The following TNFRSF8 variants were observed in gnomAD, a reference collection of about 807,000 sequenced individuals.
TNFRSF8 encodes the protein TNF receptor superfamily member 8.
TNFRSF8 carries 26 observed loss-of-function variants against 70.8 expected under a neutral mutation model. The ratio of observed to expected loss-of-function variants is 0.37; its 90% CI spans 0.27 to 0.51. TNFRSF8 has a LOEUF of 0.51. Ranked by LOEUF, TNFRSF8 falls within the 20% of genes least tolerant of loss-of-function variation. The probability of loss-of-function intolerance (pLI) is 0.94; values close to 1 mark genes in which losing one functional copy is unlikely to be tolerated. For synonymous variants in TNFRSF8, 356 were observed against 339.2 expected (o/e 1.05, Z -0.54); for missense variants, 720 against 807.9 (o/e 0.89, Z 1.32).
chr1:12,132,837 C>CAAAAAAAA, intron 12 of TNFRSF8, among the ~76,000 whole-genome samples: 1 of 74,420 alleles, frequency 1.3e-5, no homozygotes, highest in Non-Finnish European at 2.5e-5. Context: ...GACTCCATCT[C>CAAAAAAAA]AAAAAAAAAA....
chr1:12,117,807 C>A (rs747879648), intron 8 of TNFRSF8, among the ~76,000 whole-genome samples: 3 of 152,066 alleles, frequency 2.0e-5, no homozygotes, highest in Admixed American at 6.5e-5. Flanking sequence ...ATACATTGTA[C>A]CCCTTAAATA....
In TNFRSF8 at chr1:12,141,210, G is replaced by A. The variant is rs1383616035; in HGVS notation, c.1544-1077G>A. ...TAACTGCATTACCCAGAAAGGCAGG[G>A]GTCCCTGCACCCCCACCCCACCCCA... On this transcript the variant is annotated intron_variant, in intron 14 of 14. Coordinates refer to ENST00000263932, the MANE Select transcript of TNFRSF8 (RefSeq NM_001243.5). The surrounding 1 kb of genome is among the most constrained non-coding windows in gnomAD (Gnocchi z 5.4). Among the ~76,000 whole-genome samples the A allele has an allele frequency of 6.6e-6, 1 of 151,562 alleles. No individual in the cohort carries two copies. Among genetic ancestry groups the A allele is most frequent in the East Asian group, 2.0e-4 (1 of 5,100 alleles).
In TNFRSF8 at chr1:12,110,253, G is replaced by A; in HGVS notation, c.676+49G>A. 2.0e-6 allele frequency: 3 copies of A among 1,520,424 alleles called. No individual in the cohort carries two copies. Among genetic ancestry groups the A allele is most frequent in the Non-Finnish European group, 2.6e-6 (3 of 1,133,272 alleles). The allele number at this position is 1,520,424 out of a possible 1,614,324, so 94.2% of individuals were successfully genotyped here. On this transcript the variant is annotated intron_variant, in intron 6 of 14. Coordinates refer to ENST00000263932, the MANE Select transcript of TNFRSF8 (RefSeq NM_001243.5). This position sits in a 1 kb window ranked among gnomAD's most constrained non-coding sequence, Gnocchi z 4.0. The stretch of plus-strand genomic sequence containing the variant: ...GTCGTCTCCCTGGGGTGCTCGATTG[G>A]TGGATGGCCCATGAGTGGGGGTGTT...
chr1:12,100,292 C>T (rs1017616324), intron 3 of TNFRSF8, among the ~76,000 whole-genome samples: 3 of 152,022 alleles, frequency 2.0e-5, no homozygotes, highest in African/African-American at 7.2e-5. Flanking sequence ...TGGGTGAGTG[C>T]GAAGGCCTGG....
intron 9 of TNFRSF8, 56 bp downstream of exon 9, chr1:12,123,433 C>T (rs921473137): frequency 1.3e-6 from 2 of 1,500,686 alleles, no homozygotes; most frequent in African/African-American, 2.8e-5. Flanking sequence ...GCTGTCCCTG[C>T]CATGCCCAGG....
At chr1:12,089,027 T>A (rs1034551035) in intron 2 of TNFRSF8, among the ~76,000 whole-genome samples, 1 of 152,176 alleles carries the variant, frequency 6.6e-6, no homozygotes, top group Non-Finnish European at 1.5e-5. Context: ...CACCTCTGCA[T>A]TCCTCAGGGT....
intron 2 of TNFRSF8, among the ~76,000 whole-genome samples, chr1:12,094,954 C>A (rs1475564581): frequency 6.6e-6 from 1 of 151,800 alleles, no homozygotes; most frequent in Non-Finnish European, 1.5e-5. Context: ...GAGGTTCTTG[C>A]GTGTTGTTCT....
At chr1:12,111,690 G>T (rs943239836) in intron 6 of TNFRSF8, among the ~76,000 whole-genome samples, 6 of 152,290 alleles carry the variant, frequency 3.9e-5, no homozygotes, top group South Asian at 4.1e-4. Flanking sequence ...GCTGGTTGGG[G>T]GGCAATGAGT....
At chr1:12,069,950 C>T (rs1356139274) in intron 1 of TNFRSF8, among the ~76,000 whole-genome samples, 1 of 152,144 alleles carries the variant, frequency 6.6e-6, no homozygotes, top group East Asian at 1.9e-4. Flanking sequence ...CATCCAGGCC[C>T]AGGGGGTAAA....
At chr1:12,070,678 C>T (rs1046187894) in intron 1 of TNFRSF8, among the ~76,000 whole-genome samples, 6 of 152,164 alleles carry the variant, frequency 3.9e-5, no homozygotes, top group South Asian at 2.1e-4. Context: ...CTGGTGGGAG[C>T]GCAGAGGGCA....
At position 12,087,079 on chromosome 1, in the gene TNFRSF8, ATCCATCC is replaced by A. The variant is rs1254940708; in HGVS notation, c.151+2529_151+2535del. On this transcript the variant is annotated intron_variant, in intron 2 of 14. Coordinates refer to ENST00000263932, the MANE Select transcript of TNFRSF8 (RefSeq NM_001243.5). ...CATTTTCTCATCTACCTTTCTATCCATCCATCCATCCATCCATCCATCCATCCATCCA... is the reference window on the plus strand; with the variant it reads ...CATTTTCTCATCTACCTTTCTATCCAATCCATCCATCCATCCATCCATCCA... Among the ~76,000 whole-genome samples the A allele has an allele frequency of 9.3e-4, 5 of 5,404 alleles. No individual in the cohort carries two copies. In the African/African-American group the frequency reaches 9.5e-3, roughly 10 times the overall value. The allele number at this position is 5,404 out of a possible 152,430, so 3.5% of individuals were successfully genotyped here.
chr1:12,099,772 C>A (rs1308801190), intron 3 of TNFRSF8, among the ~76,000 whole-genome samples: 4 of 151,566 alleles, frequency 2.6e-5, no homozygotes, highest in Non-Finnish European at 5.9e-5. Context: ...TCCTTTTGCT[C>A]CTAAGCTACA....
chr1:12,125,589 C>T (rs1379656078), intron 10 of TNFRSF8, among the ~76,000 whole-genome samples: 3 of 152,192 alleles, frequency 2.0e-5, no homozygotes, highest in Non-Finnish European at 4.4e-5. Context: ...CTGCTTGGCC[C>T]TCCCCACCCT....
At position 12,088,416 on chromosome 1, in the gene TNFRSF8, A is replaced by G. The variant is rs1244724951; in HGVS notation, c.151+3865A>G. Among the ~76,000 whole-genome samples the G allele has an allele frequency of 6.6e-6, 1 of 152,176 alleles. No individual in the cohort carries two copies. Among genetic ancestry groups the G allele is most frequent in the Non-Finnish European group, 1.5e-5 (1 of 68,036 alleles). On this transcript the variant is annotated intron_variant, in intron 2 of 14. Transcript: ENST00000263932. The surrounding 1 kb of genome is among the most constrained non-coding windows in gnomAD (Gnocchi z 4.0). ...ATTTGCACAAGGCCACATGCGTATC[A>G]GTGGCTCAGCCGGGCCGTGAACATG...
intron 12 of TNFRSF8, among the ~76,000 whole-genome samples, chr1:12,126,834 C>T (rs1429265137): frequency 2.6e-5 from 4 of 152,246 alleles, no homozygotes; most frequent in Non-Finnish European, 1.5e-5. Context: ...GTGGATTCGT[C>T]GAGGTCGGGC....
chr1:12,115,643 T>C lies in TNFRSF8; in HGVS notation c.860T>C (p.Met287Thr), dbSNP rs147298360. ...CGCACCTGCGAATGTCGACCTGGCA[T>C]GATCTGTGCCACATCAGCCACCAAC... ...SSRTCECRPG[M>T]ICATSATNSC... Residue 287 changes from methionine to threonine, a missense_variant, in exon 8 of 15, where the codon ATG becomes ACG. By Grantham distance (81) the Met-to-Thr change is moderately conservative (BLOSUM62 -1). Transcript: ENST00000263932. The C allele has an allele frequency of 5.0e-6, 8 of 1,614,202 alleles. No homozygotes were observed. The highest frequency in any genetic ancestry group is 6.8e-6 in the Non-Finnish European group (8 of 1,180,020).
intron 3 of TNFRSF8, among the ~76,000 whole-genome samples, chr1:12,101,971 G>A (rs751386344): frequency 4.6e-5 from 7 of 152,066 alleles, no homozygotes; most frequent in African/African-American, 7.2e-5. Context: ...CACCGCGCCC[G>A]GCTTCCATTA....
Position 12,109,906 on chromosome 1 carries a change from G to T in TNFRSF8, c.513-135G>T. 8.7e-7 allele frequency: 1 copy of T among 1,146,616 alleles called. No homozygotes were observed. Among genetic ancestry groups the T allele is most frequent in the Non-Finnish European group, 1.2e-6 (1 of 802,802 alleles). 71.0% of individuals were successfully genotyped at this position (1,146,616 alleles called of 1,614,324 possible). ...GAAAACACAGGCCTTGCTCCCAGGAGCTTACAGTGGGCCCGCCAGAGGCAG... is the reference window on the plus strand; with the variant it reads ...GAAAACACAGGCCTTGCTCCCAGGATCTTACAGTGGGCCCGCCAGAGGCAG... On this transcript the variant is annotated intron_variant, in intron 5 of 14. Transcript: ENST00000263932. The surrounding 1 kb of genome is among the most constrained non-coding windows in gnomAD (Gnocchi z 4.4).
rs955008785 is a variant in TNFRSF8 at position 12,108,239 on chromosome 1, C to T, written c.422-1327C>T. 2.0e-5 allele frequency among the ~76,000 whole-genome samples: 3 copies of T among 151,548 alleles called. No individual in the cohort carries two copies. Among genetic ancestry groups the T allele is most frequent in the African/African-American group, 7.3e-5 (3 of 41,280 alleles). Reference sequence around the variant, plus strand: ...GATTACAGGTACCTGCCACCATGCCCGGCTAATTTTTTGTAATTTTAGTAG... The same window carrying T: ...GATTACAGGTACCTGCCACCATGCCTGGCTAATTTTTTGTAATTTTAGTAG... On this transcript the variant is annotated intron_variant, in intron 4 of 14. Transcript: ENST00000263932. The surrounding 1 kb of genome is among the most constrained non-coding windows in gnomAD (Gnocchi z 4.0).
Sources: gnomAD v4.1 joint callset for allele counts (sites outside exome capture counted in the v4.1 genomes callset) on GRCh38, gnomAD v4.1.1 for gene constraint, Gnocchi (gnomAD v3.1) non-coding constraint, MANE v1.5 for transcripts, NCBI Gene and HGNC (gene_info 2026-07-23, HGNC 2026-07-21) for gene names.